Variants in RAD51 observed in about 807,000 individuals in gnomAD.
RAD51 encodes the protein DNA repair protein RAD51 homolog 1.
A neutral mutation model predicts 41.5 loss-of-function variants in RAD51; 14 were observed. The observed-to-expected ratio is 0.34, with a 90% CI of 0.22 to 0.53. The LOEUF (loss-of-function observed/expected upper bound fraction) is 0.53, where lower values mean the gene tolerates loss of function less well. RAD51 is among the 20% of genes least tolerant of loss of function. The probability of loss-of-function intolerance (pLI) is 0.95; values close to 1 mark genes in which losing one functional copy is unlikely to be tolerated. For synonymous variants in RAD51, 136 were observed against 148.6 expected, an observed-to-expected ratio of 0.92 and a Z score of 0.62; for missense variants, 234 against 422.0, an observed-to-expected ratio of 0.55 and a Z score of 3.90.
In RAD51 at chr15:40,715,532, G is replaced by A. The variant is rs117476106; in HGVS notation, c.436-3273G>A. 9.2e-5 allele frequency among the ~76,000 whole-genome samples: 14 copies of A among 152,290 alleles called. No homozygotes were observed. The East Asian group carries it at 2.5e-3, about 27-fold the overall frequency. Reference sequence around the variant, plus strand: ...ATACTGCATCACTATAAAATGAGAAGTGTTAAATTATGCTCCTAAGCAGTT... The same window carrying A: ...ATACTGCATCACTATAAAATGAGAAATGTTAAATTATGCTCCTAAGCAGTT... On this transcript the variant is annotated intron_variant, in intron 5 of 9. Transcript: ENST00000267868.
At chr15:40,703,432 T>A (rs1187815390) in intron 3 of RAD51, among the ~76,000 whole-genome samples, 1 of 152,212 alleles carries the variant, frequency 6.6e-6, no homozygotes, top group East Asian at 1.9e-4. Flanking sequence ...GAGAATAAAC[T>A]TTCATTGATT....
intron 8 of RAD51, 24 bp downstream of exon 8, chr15:40,729,658 G>C: frequency 6.2e-7 from 1 of 1,613,210 alleles, no homozygotes; most frequent in Non-Finnish European, 8.5e-7. Context: ...TAGGGACAGA[G>C]AATGCCTACT....
intron 7 of RAD51, 61 bp downstream of exon 7, chr15:40,728,885 T>C: frequency 7.3e-7 from 1 of 1,364,290 alleles, no homozygotes; most frequent in Non-Finnish European, 1.0e-6. Flanking sequence ...AATCTTGTAA[T>C]GGCTATTTGG....
At chr15:40,716,852 A>C (rs190738416) in intron 5 of RAD51, among the ~76,000 whole-genome samples, 1 of 147,540 alleles carries the variant, frequency 6.8e-6, no homozygotes, top group Admixed American at 6.8e-5. Flanking sequence ...AGTAGAGACA[A>C]GGTTTTACCA....
chr15:40,729,372 CAAAAAA>C (rs60375696), intron 7 of RAD51, 127 bp from the exon 8 acceptor site: 480 of 483,242 alleles, frequency 9.9e-4, no homozygotes, highest in East Asian at 2.8e-3. Flanking sequence ...GACTCCATCT[CAAAAAA>C]AAAAAAAAAA....
Position 40,701,351 on chromosome 15 carries a change from CTTTTCTTTTCTTTTTTTTTTCTTTCTT to C in RAD51, c.225+155_225+181del. Reference sequence around the variant, plus strand: ...TGTTACCTGTTTCTTTTCTTCTTTTCTTTTCTTTTCTTTTTTTTTTCTTTCTTTTTTTTTTTTTTTGGAGACGGGTTC... The same window carrying C: ...TGTTACCTGTTTCTTTTCTTCTTTTCTTTTTTTTTTTTTGGAGACGGGTTC... On this transcript the variant is annotated intron_variant, in intron 3 of 9. Transcript: ENST00000267868. 7 of 719,272 alleles carry C rather than the reference CTTTTCTTTTCTTTTTTTTTTCTTTCTT, an allele frequency of 9.7e-6. No homozygotes were observed. In the South Asian group the frequency reaches 1.1e-4, roughly 11 times the overall value. 44.6% of individuals were successfully genotyped at this position (719,272 alleles called of 1,614,324 possible). A position where few individuals can be genotyped will look rare whatever the true frequency, so the allele number is the denominator to read the frequency against.
At chr15:40,726,846 G>A (rs1280548998) in intron 6 of RAD51, among the ~76,000 whole-genome samples, 2 of 149,212 alleles carry the variant, frequency 1.3e-5, no homozygotes, top group Non-Finnish European at 3.0e-5. Flanking sequence ...CTGGGAGGCG[G>A]AACTTGCAAT....
rs142009625 is a variant in RAD51, at chr15:40,730,807, C to T, written c.897-248C>T. Among the ~76,000 whole-genome samples the T allele has an allele frequency of 2.2e-3, 339 of 151,968 alleles. 3 individuals carry two copies. The highest frequency in any genetic ancestry group is 8.0e-3 in the African/African-American group (333 of 41,472). On this transcript the variant is annotated intron_variant, in intron 9 of 9. Transcript: ENST00000267868. ...AAAGTGCTGGGATTACAGGCGTGAG[C>T]CACCATGCCCGGCCTAAATTTTTCT...
intron 5 of RAD51, among the ~76,000 whole-genome samples, chr15:40,709,371 C>CTTTT (rs772005920): frequency 5.9e-4 from 65 of 110,858 alleles, no homozygotes; most frequent in East Asian, 2.3e-3. Context: ...TTACTTGCTA[C>CTTTT]TTTTTTTTTT....
intron 1 of RAD51, among the ~76,000 whole-genome samples, chr15:40,696,817 A>C (rs947106448): frequency 1.3e-5 from 2 of 151,352 alleles, no homozygotes; most frequent in Non-Finnish European, 2.9e-5. Flanking sequence ...TTACACAGTA[A>C]TGTCTTAATG....
intron 3 of RAD51, 134 bp from the exon 4 acceptor site, chr15:40,706,043 T>C (rs1895314717): frequency 6.1e-6 from 4 of 651,954 alleles, no homozygotes; most frequent in African/African-American, 3.7e-5. Context: ...GTAATTTTAT[T>C]TGATATTTTC....
At chr15:40,702,743 C>T (rs765804421) in intron 3 of RAD51, among the ~76,000 whole-genome samples, 1 of 151,490 alleles carries the variant, frequency 6.6e-6, no homozygotes, top group African/African-American at 2.4e-5. Flanking sequence ...GTCTCAAACT[C>T]CTGGCCTCAA....
chr15:40,717,382 C>T (rs1353789077), intron 5 of RAD51, among the ~76,000 whole-genome samples: 2 of 152,064 alleles, frequency 1.3e-5, no homozygotes, highest in African/African-American at 4.8e-5. Flanking sequence ...AGGCCTTTAA[C>T]ATAAAATGTT....
At chr15:40,701,042 C>A (rs761214540) in intron 2 of RAD51, 22 bp from the exon 3 acceptor site, 39 of 1,599,198 alleles carry the variant, frequency 2.4e-5, no homozygotes, top group Non-Finnish European at 3.2e-5. Context: ...TTAAATTTAT[C>A]CATGGTTTTC....
intron 5 of RAD51, among the ~76,000 whole-genome samples, chr15:40,710,429 G>A (rs1567043915): frequency 1.3e-5 from 2 of 149,714 alleles, no homozygotes; most frequent in Admixed American, 6.7e-5. Context: ...TTGAACCCGG[G>A]GGGCAGAGGT....
chr15:40,728,455 GAAAAA>G (rs34910367), intron 6 of RAD51, among the ~76,000 whole-genome samples: 1 of 144,546 alleles, frequency 6.9e-6, no homozygotes, highest in Non-Finnish European at 1.5e-5. Context: ...CCGTCTCAAA[GAAAAA>G]AAAAAAAGAA....
chr15:40,707,408 G>A (rs1222477602), intron 4 of RAD51, among the ~76,000 whole-genome samples: 1 of 152,084 alleles, frequency 6.6e-6, no homozygotes, highest in African/African-American at 2.4e-5. Context: ...CTGGGTTCAA[G>A]TGATTCTCCT....
intron 5 of RAD51, among the ~76,000 whole-genome samples, chr15:40,711,331 G>A (rs1381711313): frequency 1.3e-5 from 2 of 152,334 alleles, no homozygotes; most frequent in East Asian, 3.9e-4. Flanking sequence ...AGGAGGCTGA[G>A]GTGGTAGAAT....
At chr15:40,729,475 T>C (rs1430735571) in intron 7 of RAD51, 30 bp from the exon 8 acceptor site, 12 of 1,600,542 alleles carry the variant, frequency 7.5e-6, no homozygotes, top group South Asian at 2.2e-5. Context: ...AGGCTAGAAA[T>C]AGGCTTCAGA....
Sources: gnomAD v4.1 joint callset for allele counts (sites outside exome capture counted in the v4.1 genomes callset) on GRCh38, gnomAD v4.1.1 for gene constraint, MANE v1.5 for transcripts, NCBI Gene and HGNC (gene_info 2026-07-23, HGNC 2026-07-21) for gene names.